The following BCAR3 variants were observed in gnomAD, a reference collection of about 807,000 sequenced individuals.
The protein encoded by BCAR3 is breast cancer anti-estrogen resistance protein 3.
A neutral mutation model predicts 80.1 loss-of-function variants in BCAR3; 37 were observed. The observed-to-expected ratio is 0.46, with a 90% CI of 0.36 to 0.61. The LOEUF is 0.61. BCAR3 is among the 20% of genes least tolerant of loss of function. BCAR3 has a pLI of 0.00. For synonymous variants in BCAR3, 389 were observed against 418.9 expected (o/e 0.93, Z 0.87); for missense variants, 978 against 1,068.2 (o/e 0.92, Z 1.18).
Position 93,582,872 on chromosome 1 carries a change from G to C in BCAR3, c.1115C>G (p.Pro372Arg). 6.2e-7 allele frequency: 1 copy of C among 1,611,888 alleles called. No homozygotes were observed. The highest frequency in any genetic ancestry group is 8.5e-7 in the Non-Finnish European group (1 of 1,179,984). ...CCGAACCACTGCTGGGCTCAGGGCA[G>C]GCTCGCTTCCCGTCCTGAACACAGG... Reference protein sequence around the residue: ...NSPVFRTGSEPALSPAVVRRV... With the variant: ...NSPVFRTGSERALSPAVVRRV... The change falls in exon 7 of 12, where the codon CCT becomes CGT. Residue 372 changes from proline to arginine, a missense_variant. Coordinates refer to ENST00000260502, the MANE Select transcript of BCAR3 (RefSeq NM_003567.4).
chr1:93,636,053 C>A (rs779472658), intron 3 of BCAR3, among the ~76,000 whole-genome samples: 25 of 152,190 alleles, frequency 1.6e-4, no homozygotes, highest in Non-Finnish European at 2.9e-4. Context: ...TTTAAATATG[C>A]TGGGTGACCT....
At chr1:93,697,299 G>C (rs534575466) in intron 3 of BCAR3, among the ~76,000 whole-genome samples, 2 of 152,364 alleles carry the variant, frequency 1.3e-5, no homozygotes, top group Admixed American at 6.5e-5. Flanking sequence ...GTTCCTATTT[G>C]TGTAACCCAG....
At chr1:93,734,648 C>A (rs1411064058) in intron 2 of BCAR3, among the ~76,000 whole-genome samples, 1 of 152,062 alleles carries the variant, frequency 6.6e-6, no homozygotes, top group South Asian at 2.1e-4. Context: ...TACTTCCAGG[C>A]GGGGAGGGCC....
intron 4 of BCAR3, among the ~76,000 whole-genome samples, chr1:93,589,928 G>A (rs1674102586): frequency 6.6e-6 from 1 of 152,192 alleles, no homozygotes; most frequent in Non-Finnish European, 1.5e-5. Flanking sequence ...TGTGTGCCTG[G>A]CAGGCCTGAT....
chr1:93,718,186 T>C (rs773981787), intron 2 of BCAR3, among the ~76,000 whole-genome samples: 1 of 152,226 alleles, frequency 6.6e-6, no homozygotes, highest in Non-Finnish European at 1.5e-5. Context: ...AGAAGTTTCA[T>C]GACAAAGGAC....
intron 3 of BCAR3, among the ~76,000 whole-genome samples, chr1:93,605,031 C>T (rs541939358): frequency 1.3e-5 from 2 of 152,262 alleles, no homozygotes; most frequent in East Asian, 1.9e-4. Flanking sequence ...ATAGATAAAC[C>T]GAAACACGAT....
intron 2 of BCAR3, among the ~76,000 whole-genome samples, chr1:93,809,620 T>C (rs1653760461): frequency 1.3e-5 from 2 of 151,448 alleles, no homozygotes; most frequent in African/African-American, 2.4e-5. Flanking sequence ...ATACAAAAAT[T>C]AGCTGGGCGT....
At chr1:93,750,997 C>T (rs1464287455) in intron 2 of BCAR3, among the ~76,000 whole-genome samples, 7 of 152,100 alleles carry the variant, frequency 4.6e-5, no homozygotes, top group African/African-American at 1.7e-4. Flanking sequence ...TGTGATGCAG[C>T]CATCGTAATC....
rs367641218 is a variant in BCAR3 at position 93,592,233 on chromosome 1, G to A, written c.486+32C>T. 29 of 1,612,496 alleles carry A rather than the reference G, an allele frequency of 1.8e-5. No individual in the cohort carries two copies. Among genetic ancestry groups the A allele is most frequent in the African/African-American group, 2.7e-5 (2 of 74,902 alleles). On this transcript the variant is annotated intron_variant, in intron 4 of 11. Transcript: ENST00000260502. The surrounding 1 kb of genome is among the most constrained non-coding windows in gnomAD (Gnocchi z 4.8). The stretch of plus-strand genomic sequence containing the variant: ...ATCTGTACATTGCCTGAGAGCAGCC[G>A]TGTATGCTCTGGAAGGGACAAGACC...
chr1:93,646,821 C>T (rs528640210), intron 2 of BCAR3, among the ~76,000 whole-genome samples: 2 of 152,044 alleles, frequency 1.3e-5, no homozygotes, highest in East Asian at 3.9e-4. Context: ...AGTTTTATTA[C>T]TTAAGTAAAT....
chr1:93,562,863 C>T (rs1282515023), intron 11 of BCAR3, among the ~76,000 whole-genome samples: 1 of 151,588 alleles, frequency 6.6e-6, no homozygotes, highest in Non-Finnish European at 1.5e-5. Context: ...AAAAATGTCC[C>T]CAAAGAAAAA....
chr1:93,637,256 G>GC (rs1344825010), intron 3 of BCAR3, among the ~76,000 whole-genome samples: 1 of 151,562 alleles, frequency 6.6e-6, no homozygotes, highest in Non-Finnish European at 1.5e-5. Flanking sequence ...TGCAACCTCC[G>GC]CCCCCCAGGT....
chr1:93,573,894 GC>G (rs1673336681), intron 8 of BCAR3, among the ~76,000 whole-genome samples: 1 of 152,142 alleles, frequency 6.6e-6, no homozygotes, highest in African/African-American at 2.4e-5. Flanking sequence ...CTCCCAAAGT[GC>G]TGGGATTACA....
chr1:93,612,224 T>C (rs541951339), intron 3 of BCAR3, among the ~76,000 whole-genome samples: 1 of 152,192 alleles, frequency 6.6e-6, no homozygotes, highest in South Asian at 2.1e-4. Context: ...GGCTACAGTT[T>C]CCAGTGAGTG....
chr1:93,642,535 A>G (rs1484659135), intron 2 of BCAR3, among the ~76,000 whole-genome samples, 192 bp from the exon 3 acceptor site: 1 of 152,218 alleles, frequency 6.6e-6, no homozygotes, highest in East Asian at 1.9e-4. Context: ...AGAAGCTCCC[A>G]CATGCTTTCC....
chr1:93,812,897 T>C (rs751246155), intron 2 of BCAR3, among the ~76,000 whole-genome samples: 60 of 152,240 alleles, frequency 3.9e-4, no homozygotes, highest in Non-Finnish European at 7.2e-4. Context: ...ACACACATCA[T>C]TGTCTATATC....
intron 2 of BCAR3, among the ~76,000 whole-genome samples, chr1:93,817,726 G>A (rs981062134): frequency 6.6e-6 from 1 of 152,140 alleles, no homozygotes; most frequent in African/African-American, 2.4e-5. Context: ...TGACATCCAT[G>A]CACAAACTAC....
intron 5 of BCAR3, 66 bp downstream of exon 5, chr1:93,588,911 A>G: frequency 7.0e-7 from 1 of 1,435,808 alleles, no homozygotes. Context: ...TGAATTCTTC[A>G]CCTGCCTAAC....
chr1:93,654,578 T>A (rs1388999922), intron 2 of BCAR3, among the ~76,000 whole-genome samples: 3 of 152,210 alleles, frequency 2.0e-5, no homozygotes, highest in Non-Finnish European at 2.9e-5. Flanking sequence ...AGGTAATGAA[T>A]GGGTATGAAG....
Sources: allele counts gnomAD v4.1 joint callset (sites outside exome capture counted in the v4.1 genomes callset), GRCh38; gene constraint gnomAD v4.1.1; non-coding constraint Gnocchi (gnomAD v3.1); transcripts MANE v1.5; gene names NCBI Gene and HGNC (gene_info 2026-07-23, HGNC 2026-07-21).